SHMT1: variants seen among roughly 807,000 people sequenced by gnomAD.
SHMT1 encodes serine hydroxymethyltransferase 1, also known as serine hydroxymethyltransferase, cytosolic.
In SHMT1, 45 loss-of-function variants were observed where a neutral mutation model predicts 49.0. That is an observed-to-expected ratio of 0.92 (90% CI 0.72 to 1.18). The LOEUF is 1.18. Ranked by LOEUF, SHMT1 falls within the 50% of genes most tolerant of loss-of-function variation. The pLI is 0.00. For missense variants in SHMT1, 541 were observed against 612.4 expected (o/e 0.88, Z 1.23); for synonymous variants, 232 against 246.6 (o/e 0.94, Z 0.55).
chr17:18,353,445 G>A, intron 3 of SHMT1: 1 of 571,096 alleles, frequency 1.8e-6, no homozygotes, highest in South Asian at 1.9e-5. Context: ...TTTCTAGAAA[G>A]CCCCCAAAGA....
Position 18,335,542 on chromosome 17 carries a change from G to A in SHMT1, c.931+17C>T. 6.5e-7 allele frequency: 1 copy of A among 1,537,550 alleles called. No homozygotes were observed. The highest frequency in any genetic ancestry group is 9.0e-7 in the Non-Finnish European group (1 of 1,111,418). On this transcript the variant is annotated intron_variant, in intron 8 of 11. Coordinates refer to ENST00000316694, the MANE Select transcript of SHMT1 (RefSeq NM_004169.5). ...AATTAGGGGCTACAGGATGAGCAGA[G>A]GCAGATGATGTTTTACCAGCAATGG...
intron 7 of SHMT1, among the ~76,000 whole-genome samples, chr17:18,337,074 C>G (rs1021191315): frequency 1.5e-5 from 2 of 136,624 alleles, no homozygotes; most frequent in Non-Finnish European, 3.3e-5. Context: ...CAGTCATAAT[C>G]GGTAACATCT....
intron 8 of SHMT1, 71 bp downstream of exon 8, chr17:18,335,474 GTGGAAGTCCTGGCA>G (rs901240842): frequency 1.1e-6 from 1 of 912,630 alleles, no homozygotes; most frequent in Non-Finnish European, 1.8e-6. Context: ...TTTCCCCAGC[GTGGAAGTCCTGGCA>G]CACGATTTTG....
rs547223551 is a variant in SHMT1 at position 18,337,075 on chromosome 17, G to A, written c.815-1400C>T. On this transcript the variant is annotated intron_variant, in intron 7 of 11. Coordinates refer to ENST00000316694, the MANE Select transcript of SHMT1 (RefSeq NM_004169.5). ...TAATAGCTACTATTCAGTCATAATCGGTAACATCTATCTAGAGCTTCTAGT... is the reference window on the plus strand; with the variant it reads ...TAATAGCTACTATTCAGTCATAATCAGTAACATCTATCTAGAGCTTCTAGT... Among the ~76,000 whole-genome samples the A allele has an allele frequency of 5.1e-5, 7 of 136,458 alleles. No individual in the cohort carries two copies. In the South Asian group the frequency reaches 1.3e-3, roughly 26 times the overall value. The allele number at this position is 136,458 out of a possible 152,430, so 89.5% of individuals were successfully genotyped here.
intron 4 of SHMT1, 139 bp downstream of exon 4, chr17:18,348,186 C>G (rs1985297512): frequency 2.8e-6 from 2 of 706,622 alleles, no homozygotes; most frequent in Admixed American, 4.1e-5. Context: ...TCCCAAAGTG[C>G]TGGGATTACA....
At chr17:18,344,566 C>A in intron 5 of SHMT1, among the ~76,000 whole-genome samples, 1 of 97,248 alleles carries the variant, frequency 1.0e-5, no homozygotes. Flanking sequence ...TTTGTGTAGC[C>A]ACAATTACCG....
chr17:18,346,011 A>C (rs1373168484), intron 5 of SHMT1, among the ~76,000 whole-genome samples: 1 of 152,154 alleles, frequency 6.6e-6, no homozygotes, highest in Non-Finnish European at 1.5e-5. Context: ...CTATTGTGAC[A>C]TGTTTCAAAA....
intron 1 of SHMT1, 50 bp from the exon 2 acceptor site, chr17:18,356,050 T>A (rs1986212747): frequency 1.1e-5 from 9 of 856,658 alleles, no homozygotes; most frequent in African/African-American, 1.7e-5. Context: ...AATTTATTTA[T>A]TTTATTTATT....
rs1984370050 is a variant in SHMT1 at position 18,340,434 on chromosome 17, A to T, written c.602-179T>A. On this transcript the variant is annotated intron_variant, in intron 6 of 11. Coordinates refer to ENST00000316694, the MANE Select transcript of SHMT1 (RefSeq NM_004169.5). This position sits in a 1 kb window ranked among gnomAD's most constrained non-coding sequence, Gnocchi z 4.5. The stretch of plus-strand genomic sequence containing the variant: ...CTCTGTGCTAAAGGCAACCACTCTA[A>T]CTCTTCAACGTCTTGGTGGTTGAGA... The T allele has an allele frequency of 1.4e-6, 1 of 724,568 alleles. No individual in the cohort carries two copies. Among genetic ancestry groups the T allele is most frequent in the Non-Finnish European group, 2.4e-6 (1 of 418,808 alleles). 44.9% of individuals were successfully genotyped at this position (724,568 alleles called of 1,614,324 possible). A position where few individuals can be genotyped will look rare whatever the true frequency, so the allele number is the denominator to read the frequency against.
Position 18,347,509 on chromosome 17 carries a change from G to T in SHMT1, c.506C>A (p.Ser169Tyr). 6.2e-7 allele frequency: 1 copy of T among 1,614,158 alleles called. No individual in the cohort carries two copies. The highest frequency in any genetic ancestry group is 8.5e-7 in the Non-Finnish European group (1 of 1,180,022). ...ACACATGCTTACCTTGTAGGGCATA[G>T]ATTCAAAGAAGATGGACGTGGCAGA... ...KISATSIFFE[S>Y]MPYKVNPDTG... The change falls in exon 5 of 12, where the codon TCT becomes TAT. Residue 169 changes from serine (S) to tyrosine (Y), a missense_variant. Physicochemically the swap from Ser to Tyr is moderately radical, Grantham distance 144. Coordinates refer to ENST00000316694, the MANE Select transcript of SHMT1 (RefSeq NM_004169.5).
chr17:18,332,940 G>A, intron 9 of SHMT1: 1 of 614,150 alleles, frequency 1.6e-6, no homozygotes, highest in Non-Finnish European at 3.0e-6. Flanking sequence ...GGTGACCAAT[G>A]GCAACCACTA....
chr17:18,342,187 CATATAT>C (rs758712760), intron 5 of SHMT1, among the ~76,000 whole-genome samples: 3 of 152,066 alleles, frequency 2.0e-5, no homozygotes, highest in Non-Finnish European at 4.4e-5. Flanking sequence ...AAATGTGACA[CATATAT>C]ATATAAACAA....
At chr17:18,350,534 G>A (rs560029885) in intron 3 of SHMT1, among the ~76,000 whole-genome samples, 2 of 151,974 alleles carry the variant, frequency 1.3e-5, no homozygotes, top group South Asian at 2.1e-4. Flanking sequence ...GCTACAGAGA[G>A]GCTGAGGCAG....
intron 7 of SHMT1, among the ~76,000 whole-genome samples, chr17:18,337,371 G>T (rs899977613): frequency 1.3e-5 from 2 of 152,188 alleles, no homozygotes; most frequent in African/African-American, 4.8e-5. Context: ...TCCTGGGCGG[G>T]TGGGAATGGC....
At chr17:18,338,548 G>A (rs148864440) in intron 7 of SHMT1, among the ~76,000 whole-genome samples, 8,460 of 151,834 alleles carry the variant, frequency 0.056, 617 homozygotes, top group African/African-American at 0.17. Flanking sequence ...CCGCCACCCC[G>A]TCTGGGAGGT....
chr17:18,332,461 C>CAGCA (rs1303863179), intron 9 of SHMT1: 1 of 164,024 alleles, frequency 6.1e-6, no homozygotes. Flanking sequence ...GGTCTACACA[C>CAGCA]AGCAGGACCC....
At position 18,328,360 on chromosome 17, in the gene SHMT1, G is replaced by C. The variant is rs1262165522; in HGVS notation, c.*390C>G. 2 of 289,872 alleles carry C rather than the reference G, an allele frequency of 6.9e-6. No individual in the cohort carries two copies. The highest frequency in any genetic ancestry group is 6.7e-6 in the Non-Finnish European group (1 of 148,428). 18.0% of individuals were successfully genotyped at this position (289,872 alleles called of 1,614,324 possible). A position where few individuals can be genotyped will look rare whatever the true frequency, so the allele number is the denominator to read the frequency against. On this transcript the variant is annotated 3_prime_UTR_variant, in exon 12 of 12. Coordinates refer to ENST00000316694, the MANE Select transcript of SHMT1 (RefSeq NM_004169.5). ...CAGTGTGTACAAGCTGTGGACATGG[G>C]CATTTCCTCTCTGTTGCAGCAAGGC...
intron 1 of SHMT1, among the ~76,000 whole-genome samples, chr17:18,357,959 GT>G (rs1386182597): frequency 2.0e-5 from 3 of 150,134 alleles, no homozygotes; most frequent in Non-Finnish European, 4.4e-5. Context: ...CACCTCCCGG[GT>G]TCATGCCATT....
intron 1 of SHMT1, among the ~76,000 whole-genome samples, chr17:18,360,941 G>C (rs1233016999): frequency 6.6e-6 from 1 of 152,050 alleles, no homozygotes; most frequent in Non-Finnish European, 1.5e-5. Flanking sequence ...AGGCCGAGGT[G>C]GGTGGATCAC....
Sources: gnomAD v4.1 joint callset for allele counts (sites outside exome capture counted in the v4.1 genomes callset) on GRCh38, gnomAD v4.1.1 for gene constraint, Gnocchi (gnomAD v3.1) non-coding constraint, MANE v1.5 for transcripts, NCBI Gene and HGNC (gene_info 2026-07-23, HGNC 2026-07-21) for gene names.